TMEM225: variants seen among roughly 807,000 people sequenced by gnomAD.
The protein encoded by TMEM225 is transmembrane protein 225, also known as PMP22 claudin domain-containing protein.
TMEM225 carries 10 observed loss-of-function variants against 17.6 expected under a neutral mutation model. The observed-to-expected ratio is 0.57, with a 90% CI of 0.35 to 0.96. The LOEUF is 0.96. Ranked by LOEUF, TMEM225 falls within the 40% of genes least tolerant of loss-of-function variation. The pLI is 0.02. For synonymous variants in TMEM225, 101 were observed against 94.5 expected (o/e 1.07, Z -0.40); for missense variants, 245 against 271.5 (o/e 0.90, Z 0.69).
rs1939928 is a variant in TMEM225, at chr11:123,883,096, T to C, written c.*42A>G. ...CACAGCACACACCCACAAAGCTTTTTCCATAAAGATGAGCATATACTGCAA... is the reference window on the plus strand; with the variant it reads ...CACAGCACACACCCACAAAGCTTTTCCCATAAAGATGAGCATATACTGCAA... On this transcript the variant is annotated 3_prime_UTR_variant, in exon 4 of 4. Transcript: ENST00000375026. 0.12 allele frequency: 190,892 copies of C among 1,535,996 alleles called. 13,179 individuals carry two copies. Among genetic ancestry groups the C allele is most frequent in the African/African-American group, 0.25 (17,965 of 73,210 alleles).
chr11:123,884,366 C>G, intron 2 of TMEM225, 124 bp downstream of exon 2: 1 of 1,308,618 alleles, frequency 7.6e-7, no homozygotes, highest in Non-Finnish European at 1.0e-6. Context: ...GATCCTGATC[C>G]TGCTTTTATG....
rs902488261 is a variant in TMEM225, at chr11:123,884,756, A to G, written c.182-120T>C. 2.0e-5 allele frequency: 20 copies of G among 980,156 alleles called. 1 individual carries two copies. The highest frequency in any genetic ancestry group is 3.9e-5 in the South Asian group (2 of 51,440). 60.7% of individuals were successfully genotyped at this position (980,156 alleles called of 1,614,324 possible). On this transcript the variant is annotated intron_variant, in intron 1 of 3. Coordinates refer to ENST00000375026, the MANE Select transcript of TMEM225 (RefSeq NM_001013743.3). ...AGGGTGAAAGATTTGATTAAACAAT[A>G]AGAAAGAAGTTGGAAAATAACAAGC...
rs981367906 is a variant in TMEM225, at chr11:123,884,553, T to C, written c.265A>G (p.Thr89Ala). Reference sequence around the variant, plus strand: ...TATTTATTTTGAGGAATCAGATAGGTGAATTTCATACCCAGGATTAAGTTA... The same window carrying C: ...TATTTATTTTGAGGAATCAGATAGGCGAATTTCATACCCAGGATTAAGTTA... ...LLNLILGMKF[T>A]YLIPQNKYIQ... Residue 89 changes from threonine (T) to alanine (A), a missense_variant, in exon 2 of 4, where the codon ACC becomes GCC. Coordinates refer to ENST00000375026, the MANE Select transcript of TMEM225 (RefSeq NM_001013743.3). The C allele has an allele frequency of 8.1e-6, 13 of 1,613,170 alleles. No individual in the cohort carries two copies. In the African/African-American group the frequency reaches 1.6e-4, roughly 20 times the overall value.
In TMEM225 at chr11:123,884,058, G is replaced by A; in HGVS notation, c.463+17C>T. On this transcript the variant is annotated intron_variant, in intron 3 of 3. Coordinates refer to ENST00000375026, the MANE Select transcript of TMEM225 (RefSeq NM_001013743.3). ...GATTGGTTCTTAACACCCTTCAGGGGCCCTGGAGACACTCACCACAGACAG... is the reference window on the plus strand; with the variant it reads ...GATTGGTTCTTAACACCCTTCAGGGACCCTGGAGACACTCACCACAGACAG... 3 of 1,597,196 alleles carry A rather than the reference G, an allele frequency of 1.9e-6. No individual in the cohort carries two copies. Among genetic ancestry groups the A allele is most frequent in the Non-Finnish European group, 2.6e-6 (3 of 1,172,890 alleles).
chr11:123,884,405 A>G, intron 2 of TMEM225, 85 bp downstream of exon 2: 2 of 1,327,200 alleles, frequency 1.5e-6, no homozygotes, highest in African/African-American at 1.5e-5. Context: ...CTACATATAT[A>G]TATATATAGT....
rs1452572791 is a variant in TMEM225, at chr11:123,883,273, A to G, written c.543T>C (p.Cys181=). 1 of 1,613,438 alleles carries G rather than the reference A, an allele frequency of 6.2e-7. No individual in the cohort carries two copies. The highest frequency in any genetic ancestry group is 8.5e-7 in the Non-Finnish European group (1 of 1,179,604). Residue 181 remains cysteine, a synonymous_variant, in exon 4 of 4, where the codon TGT becomes TGC. Coordinates refer to ENST00000375026, the MANE Select transcript of TMEM225 (RefSeq NM_001013743.3). The part of the protein sequence containing the change: ...CLNIHKSDNE[C]KESENSIEDI... ...CTTCGATAGAATTCTCAGATTCCTT[A>G]CATTCGTTGTCAGATTTATGGATGT... is the stretch of plus-strand genomic sequence containing the variant.
In TMEM225 at chr11:123,884,108, C is replaced by A; in HGVS notation, c.430G>T (p.Ala144Ser). The change falls in exon 3 of 4, where the codon GCT (alanine) becomes TCT (serine). Residue 144 changes from alanine (A) to serine (S), a missense_variant. Ala to Ser is a moderately conservative substitution (Grantham distance 99). Transcript: ENST00000375026. Reference sequence around the variant, plus strand: ...GACAAGAAGAAAACATTTAAGTAAGCAGTATACATGATCCAGGTGATCCTA... The same window carrying A: ...GACAAGAAGAAAACATTTAAGTAAGAAGTATACATGATCCAGGTGATCCTA... ...SYRITWIMYT[A>S]YLNVFFLSVC... is the part of the protein sequence containing the mutation. The A allele has an allele frequency of 1.2e-6, 2 of 1,609,864 alleles. No homozygotes were observed. The highest frequency in any genetic ancestry group is 1.7e-6 in the Non-Finnish European group (2 of 1,178,712).
At position 123,884,225 on chromosome 11, in the gene TMEM225, A is replaced by C; in HGVS notation, c.329-16T>G. The C allele has an allele frequency of 6.1e-6, 5 of 821,232 alleles. No individual in the cohort carries two copies. Among genetic ancestry groups the C allele is most frequent in the South Asian group, 2.1e-5 (1 of 47,358 alleles). The allele number at this position is 821,232 out of a possible 1,614,324, so 50.9% of individuals were successfully genotyped here. ...AGAGAGATACCTGATGTCCAGACAA[A>C]AAAAAAAAAAAAAAAAGAAAAAGAA... On this transcript the variant is annotated splice_polypyrimidine_tract_variant and intron_variant, in intron 2 of 3. Transcript: ENST00000375026.
intron 3 of TMEM225, 21 bp downstream of exon 3, chr11:123,884,054 A>G: frequency 1.3e-6 from 2 of 1,593,940 alleles, no homozygotes; most frequent in Non-Finnish European, 8.5e-7. Context: ...AACACCCTTC[A>G]GGGGCCCTGG....
Position 123,883,058 on chromosome 11 carries a change from A to G in TMEM225, c.*80T>C. ...CCAACCATAATTCCAAATAGAGACA[A>G]CATGGTTGGAGACACAGCACACACC... On this transcript the variant is annotated 3_prime_UTR_variant, in exon 4 of 4. Coordinates refer to ENST00000375026, the MANE Select transcript of TMEM225 (RefSeq NM_001013743.3). The G allele has an allele frequency of 8.5e-7, 1 of 1,181,704 alleles. No individual in the cohort carries two copies. The highest frequency in any genetic ancestry group is 2.6e-4 in the Middle Eastern group (1 of 3,788). The allele number at this position is 1,181,704 out of a possible 1,614,324, so 73.2% of individuals were successfully genotyped here.
rs1863012064 is a variant in TMEM225, at chr11:123,884,479, C to T, written c.328+11G>A. The T allele has an allele frequency of 1.2e-6, 2 of 1,605,356 alleles. No homozygotes were observed. The highest frequency in any genetic ancestry group is 1.3e-5 in the African/African-American group (1 of 74,698). On this transcript the variant is annotated intron_variant, in intron 2 of 3. Transcript: ENST00000375026. ...ACCTACAAGCTTGTGTTAGGGGAGC[C>T]AGGAAGTTACCTGAGAAGAAACTGA...
At chr11:123,884,383 C>G in intron 2 of TMEM225, 107 bp downstream of exon 2, 1 of 1,309,524 alleles carries the variant, frequency 7.6e-7, no homozygotes, top group Non-Finnish European at 1.0e-6. Flanking sequence ...TATGGTAGAT[C>G]TAACTCAGAA....
chr11:123,883,147 C>T lies in TMEM225; in HGVS notation c.669G>A (p.Trp223Ter). The T allele has an allele frequency of 1.9e-6, 3 of 1,613,166 alleles. No homozygotes were observed. Among genetic ancestry groups the T allele is most frequent in the Middle Eastern group, 1.7e-4 (1 of 6,040 alleles). ...NKKVQTRHVT[W>*]AL ...GAAATAGATTGCCAAATCACAGAGC[C>T]CAGGTTACGTGACGTGTTTGGACTT... The change falls in exon 4 of 4, where the codon TGG (tryptophan) becomes TGA (stop). Residue 223 changes from tryptophan (W) to a stop codon, truncating the protein, a stop_gained. Coordinates refer to ENST00000375026, the MANE Select transcript of TMEM225 (RefSeq NM_001013743.3). LOFTEE classifies it high-confidence loss of function.
Position 123,884,574 on chromosome 11 carries a change from A to G in TMEM225, c.244T>C (p.Leu82=). The change falls in exon 2 of 4, where the codon TTA becomes CTA. Residue 82 remains leucine (L), a synonymous_variant. Coordinates refer to ENST00000375026, the MANE Select transcript of TMEM225 (RefSeq NM_001013743.3). ...TAGGTGAATTTCATACCCAGGATTA[A>G]GTTAAGGAGGAAGGAAAGGCCAAGG... ...SSLGLSFLLN[L]ILGMKFTYLI... is the part of the protein sequence containing the mutation. 1 of 1,613,430 alleles carries G rather than the reference A, an allele frequency of 6.2e-7. No homozygotes were observed. Among genetic ancestry groups the G allele is most frequent in the Non-Finnish European group, 8.5e-7 (1 of 1,179,600 alleles).
At chr11:123,884,668 C>T (rs779414468) in intron 1 of TMEM225, 32 bp from the exon 2 acceptor site, 6 of 1,593,410 alleles carry the variant, frequency 3.8e-6, no homozygotes, top group Admixed American at 3.5e-5. Flanking sequence ...TTTGAGAGGA[C>T]AGATATTTCT....
In TMEM225 at chr11:123,884,602, C is replaced by T. The variant is rs143314756; in HGVS notation, c.216G>A (p.Ser72=). 81 of 1,613,010 alleles carry T rather than the reference C, an allele frequency of 5.0e-5. No individual in the cohort carries two copies. The highest frequency in any genetic ancestry group is 4.7e-4 in the African/African-American group (35 of 74,802). Residue 72 remains serine, a synonymous_variant, in exon 2 of 4, where the codon TCG becomes TCA. Transcript: ENST00000375026. ...TAAGGAGGAAGGAAAGGCCAAGGCT[C>T]GACGTCATCATAATCCTGACCACTT... The part of the protein sequence containing the change: ...DLKVVRIMMT[S]SLGLSFLLNL...
chr11:123,885,583 A>G lies in TMEM225; in HGVS notation c.-158T>C. ...GTAGTCTATAAAACAGAGAAGATAG[A>G]TAACTCTCACCCTTCCTCACTTCCG... On this transcript the variant is annotated 5_prime_UTR_variant, in exon 1 of 4. Transcript: ENST00000375026. The G allele has an allele frequency of 1.5e-6, 1 of 665,842 alleles. No homozygotes were observed. The allele number at this position is 665,842 out of a possible 1,614,324, so 41.2% of individuals were successfully genotyped here.
chr11:123,883,463 A>T (rs920355750), intron 3 of TMEM225, 111 bp from the exon 4 acceptor site: 8 of 751,040 alleles, frequency 1.1e-5, no homozygotes, highest in African/African-American at 7.0e-5. Flanking sequence ...ATCCCTTTTA[A>T]CTACCGAAAG....
In TMEM225 at chr11:123,885,561, G is replaced by T; in HGVS notation, c.-136C>A. 1 of 761,150 alleles carries T rather than the reference G, an allele frequency of 1.3e-6. No individual in the cohort carries two copies. The allele number at this position is 761,150 out of a possible 1,614,324, so 47.1% of individuals were successfully genotyped here. ...ATTGGTAACAGCAGAAGCTGAAGTA[G>T]TCTATAAAACAGAGAAGATAGATAA... On this transcript the variant is annotated 5_prime_UTR_variant, in exon 1 of 4. Coordinates refer to ENST00000375026, the MANE Select transcript of TMEM225 (RefSeq NM_001013743.3).
Sources: gnomAD v4.1 joint callset for allele counts on GRCh38, gnomAD v4.1.1 for gene constraint, MANE v1.5 for transcripts, NCBI Gene and HGNC (gene_info 2026-07-23, HGNC 2026-07-21) for gene names.